The following DNAAF4 variants were observed in gnomAD, a reference collection of about 807,000 sequenced individuals.
DNAAF4 encodes the protein dynein assembly factor 4, axonemal.
A neutral mutation model predicts 51.8 loss-of-function variants in DNAAF4; 43 were observed. The ratio of observed to expected loss-of-function variants is 0.83; its 90% CI spans 0.65 to 1.07. DNAAF4 has a LOEUF of 1.07. DNAAF4 is among the 50% of genes least tolerant of loss of function. The pLI, the probability that DNAAF4 is intolerant of heterozygous loss-of-function variation, is 0.00. For synonymous variants in DNAAF4, 194 were observed against 165.6 expected (o/e 1.17, Z -1.32); for missense variants, 581 against 493.0 (o/e 1.18, Z -1.69).
At chr15:55,465,824 C>T (rs909525357) in intron 5 of DNAAF4, among the ~76,000 whole-genome samples, 6 of 152,058 alleles carry the variant, frequency 3.9e-5, no homozygotes, top group Non-Finnish European at 8.8e-5. Context: ...CCTTGTCCTC[C>T]CAAAGTGTTA....
At chr15:55,437,782 G>C (rs1046264721) in intron 7 of DNAAF4, among the ~76,000 whole-genome samples, 1 of 152,138 alleles carries the variant, frequency 6.6e-6, no homozygotes, top group Non-Finnish European at 1.5e-5. Context: ...TTAGAAGCCG[G>C]AAATTTAAGA....
intron 5 of DNAAF4, among the ~76,000 whole-genome samples, chr15:55,456,556 C>G (rs975637386): frequency 1.3e-5 from 2 of 152,096 alleles, no homozygotes; most frequent in Non-Finnish European, 1.5e-5. Flanking sequence ...ACTCACAATG[C>G]GAACTTTTAC....
chr15:55,418,770 G>A, intron 7 of DNAAF4: 1 of 468,114 alleles, frequency 2.1e-6, no homozygotes, highest in Non-Finnish European at 3.7e-6. Flanking sequence ...ATAAAAGGTA[G>A]AAAGTGTTTT....
At chr15:55,428,667 T>A (rs1000023854), downstream of DNAAF4, among the ~76,000 whole-genome samples, 7 of 150,916 alleles carry the variant, frequency 4.6e-5, no homozygotes, top group Non-Finnish European at 1.0e-4. Context: ...GCTAAATTTT[T>A]GTATTTTTAG....
chr15:55,463,001 G>A (rs2058115319), intron 5 of DNAAF4, among the ~76,000 whole-genome samples: 1 of 152,148 alleles, frequency 6.6e-6, no homozygotes, highest in Non-Finnish European at 1.5e-5. Flanking sequence ...GCGAAACCCT[G>A]TCTCTACTAA....
intron 1 of DNAAF4, among the ~76,000 whole-genome samples, chr15:55,499,636 T>C (rs966796713): frequency 2.6e-5 from 4 of 152,178 alleles, no homozygotes; most frequent in Admixed American, 2.6e-4. Flanking sequence ...CAAAAGCACC[T>C]ATATAGGTTT....
At chr15:55,483,833 CTTTTTTTTTTTTTTTTT>C (rs71105887) in intron 4 of DNAAF4, among the ~76,000 whole-genome samples, 73 of 82,494 alleles carry the variant, frequency 8.8e-4, no homozygotes, top group African/African-American at 2.3e-3. Context: ...GCCAATAAAG[CTTTTTTTTTTTTTTTTT>C]TTTTTTTTTT....
At chr15:55,432,700 C>G in intron 8 of DNAAF4, 98 bp from the exon 9 acceptor site, 1 of 1,041,550 alleles carries the variant, frequency 9.6e-7, no homozygotes, top group Non-Finnish European at 1.4e-6. Context: ...AATCCCAACA[C>G]TTGGGGAGGC....
intron 4 of DNAAF4, among the ~76,000 whole-genome samples, chr15:55,471,287 T>G (rs1846582284): frequency 6.6e-6 from 1 of 151,988 alleles, no homozygotes; most frequent in Non-Finnish European, 1.5e-5. Context: ...CCATCAAGAG[T>G]TGCCTCATTA....
chr15:55,418,456 G>A (rs1306151278), intron 7 of DNAAF4: 4 of 1,522,336 alleles, frequency 2.6e-6, no homozygotes, highest in Non-Finnish European at 3.5e-6. Context: ...CTCCAAAGGA[G>A]CAAGTATTTT....
chr15:55,470,138 G>A (rs1237650252), intron 4 of DNAAF4, among the ~76,000 whole-genome samples: 3 of 150,022 alleles, frequency 2.0e-5, no homozygotes, highest in Admixed American at 1.3e-4. Context: ...TGCAACCTCC[G>A]CCTCCCAGGT....
chr15:55,431,087 G>C (rs537198661), intron 9 of DNAAF4, among the ~76,000 whole-genome samples: 1 of 151,720 alleles, frequency 6.6e-6, no homozygotes, highest in African/African-American at 2.4e-5. Context: ...CTAATTTTTT[G>C]TATTTTTAGT....
At chr15:55,488,193 C>T (rs2058519999) in intron 4 of DNAAF4, among the ~76,000 whole-genome samples, 1 of 151,846 alleles carries the variant, frequency 6.6e-6, no homozygotes, top group Non-Finnish European at 1.5e-5. Context: ...GAAAGAGACC[C>T]TACCAGACCT....
intron 4 of DNAAF4, among the ~76,000 whole-genome samples, chr15:55,468,133 C>A (rs978648436): frequency 6.6e-6 from 1 of 152,180 alleles, no homozygotes; most frequent in Non-Finnish European, 1.5e-5. Flanking sequence ...CATTAATGTA[C>A]ATTTAAATTA....
chr15:55,482,708 G>T (rs2058429187), intron 4 of DNAAF4, among the ~76,000 whole-genome samples: 1 of 151,920 alleles, frequency 6.6e-6, no homozygotes, highest in African/African-American at 2.4e-5. Context: ...ACAAAAAACA[G>T]ATACTTAAAT....
chr15:55,418,155 G>A, intron 7 of DNAAF4: 2 of 1,567,000 alleles, frequency 1.3e-6, no homozygotes. Flanking sequence ...AAGTGGGTGG[G>A]ACTGAATTAA....
chr15:55,418,141 A>T, intron 7 of DNAAF4: 1 of 1,571,236 alleles, frequency 6.4e-7, no homozygotes, highest in Non-Finnish European at 8.6e-7. Context: ...TTCCTGAAAA[A>T]GGGAAGTGGG....
At chr15:55,467,199 T>A in intron 4 of DNAAF4, 38 bp from the exon 5 acceptor site, 1 of 1,410,294 alleles carries the variant, frequency 7.1e-7, no homozygotes, top group Non-Finnish European at 9.7e-7. Flanking sequence ...TTAAAATACA[T>A]AAAAGCAACA....
At chr15:55,472,401 T>G (rs1567022840) in intron 4 of DNAAF4, among the ~76,000 whole-genome samples, 1 of 152,258 alleles carries the variant, frequency 6.6e-6, no homozygotes, top group East Asian at 1.9e-4. Flanking sequence ...GTTGATCACT[T>G]GAGGTCAGGA....
Sources: gnomAD v4.1 joint callset for allele counts (sites outside exome capture counted in the v4.1 genomes callset) on GRCh38, gnomAD v4.1.1 for gene constraint, MANE v1.5 for transcripts, NCBI Gene and HGNC (gene_info 2026-07-23, HGNC 2026-07-21) for gene names.